SEMA4D: variants seen among roughly 807,000 people sequenced by gnomAD.
SEMA4D encodes the protein semaphorin 4D, also known as semaphorin-4D.
A neutral mutation model predicts 74.8 loss-of-function variants in SEMA4D; 22 were observed. That is an observed-to-expected ratio of 0.29 (90% confidence interval 0.21 to 0.42). SEMA4D has a LOEUF of 0.42. Among genes scored for constraint, SEMA4D ranks in the 10% least tolerant of loss-of-function variants. The pLI is 1.00. For missense variants in SEMA4D, 937 were observed against 1,118.4 expected (o/e 0.84, Z 2.31); for synonymous variants, 445 against 463.7 (o/e 0.96, Z 0.52).
chr9:89,387,252 C>A, intron 12 of SEMA4D, 134 bp downstream of exon 12: 3 of 714,282 alleles, frequency 4.2e-6, no homozygotes, highest in Non-Finnish European at 6.8e-6. Context: ...TTCTTACGCT[C>A]CCACAAACCT....
Position 89,381,077 on chromosome 9 carries a change from G to C in SEMA4D, c.1641C>G (p.Ser547Arg). 6.2e-7 allele frequency: 1 copy of C among 1,614,072 alleles called. No homozygotes were observed. Among genetic ancestry groups the C allele is most frequent in the Non-Finnish European group, 8.5e-7 (1 of 1,180,024 alleles). The change falls in exon 15 of 16, where the codon AGC (serine) becomes AGG (arginine). Residue 547 changes from serine (S) to arginine (R), a missense_variant. By Grantham distance (110) the Ser-to-Arg change is moderately radical. Coordinates refer to ENST00000422704, the MANE Select transcript of SEMA4D (RefSeq NM_001371194.2). The surrounding 1 kb of genome is among the most constrained non-coding windows in gnomAD (Gnocchi z 4.6). The part of the protein sequence containing the change: ...SPSRGLIQEM[S>R]GDASVCPDKS... ...CACCCGGGCACACAGAAGCATCGCC[G>C]CTCATCTCCTGAATCAAACCCCTGC... is the stretch of plus-strand genomic sequence containing the variant.
intron 1 of SEMA4D, among the ~76,000 whole-genome samples, chr9:89,493,561 C>T (rs1309624946): frequency 6.6e-6 from 1 of 152,192 alleles, no homozygotes; most frequent in Non-Finnish European, 1.5e-5. Flanking sequence ...CAAACAAAGT[C>T]AAAACACACA....
chr9:89,434,375 C>A (rs1305719244), intron 2 of SEMA4D, among the ~76,000 whole-genome samples: 2 of 152,226 alleles, frequency 1.3e-5, no homozygotes, highest in Non-Finnish European at 2.9e-5. Flanking sequence ...TTTGTCAAAA[C>A]GGTATGCAGG....
In SEMA4D at chr9:89,492,285, TG is replaced by T. The variant is rs1408576894; in HGVS notation, c.-310+5633del. On this transcript the variant is annotated intron_variant, in intron 1 of 15. Transcript: ENST00000422704. The surrounding 1 kb of genome is among the most constrained non-coding windows in gnomAD (Gnocchi z 4.3). ...TGCAAGCTGCATGTGGCCTCCAGGATGCCCTCAGAACCCTCTGGTTATCCCC... is the reference window on the plus strand; with the variant it reads ...TGCAAGCTGCATGTGGCCTCCAGGATCCCTCAGAACCCTCTGGTTATCCCC... Among the ~76,000 whole-genome samples the T allele has an allele frequency of 6.6e-6, 1 of 152,170 alleles. No individual in the cohort carries two copies. The highest frequency in any genetic ancestry group is 1.5e-5 in the Non-Finnish European group (1 of 68,022).
intron 13 of SEMA4D, chr9:89,385,876 C>A (rs1300458042): frequency 1.7e-5 from 5 of 289,440 alleles, no homozygotes; most frequent in Middle Eastern, 1.7e-3. Context: ...GCCCGCCCAC[C>A]CACCCCTGCC....
chr9:89,360,930 G>A (rs569869952), exon 19 of SEMA4D: 1 of 152,316 alleles, frequency 6.6e-6, no homozygotes, highest in East Asian at 1.9e-4. Context: ...GTGTGAAAGT[G>A]CTTGAAATCC....
chr9:89,462,601 G>A (rs1857512228), intron 1 of SEMA4D, among the ~76,000 whole-genome samples: 1 of 151,928 alleles, frequency 6.6e-6, no homozygotes, highest in Non-Finnish European at 1.5e-5. Context: ...CCCAATACCA[G>A]TCTACGGCAA....
intron 9 of SEMA4D, 146 bp from the exon 10 acceptor site, chr9:89,389,193 G>A (rs779708685): frequency 2.7e-5 from 20 of 751,980 alleles, no homozygotes; most frequent in Admixed American, 2.6e-4. Flanking sequence ...GACAGATGCC[G>A]CAATTATGTG....
chr9:89,411,366 G>A (rs1844494338), intron 2 of SEMA4D, among the ~76,000 whole-genome samples: 1 of 152,140 alleles, frequency 6.6e-6, no homozygotes, highest in Non-Finnish European at 1.5e-5. Context: ...TAACTCCACT[G>A]GAGGTCTGGG....
chr9:89,436,817 G>A (rs912882963), intron 2 of SEMA4D, among the ~76,000 whole-genome samples: 1 of 152,254 alleles, frequency 6.6e-6, no homozygotes, highest in Admixed American at 6.5e-5. Flanking sequence ...GCGAGGGCAA[G>A]CTCCTGGGTG....
chr9:89,374,315 CATCT>C (rs1192624098), downstream of SEMA4D, among the ~76,000 whole-genome samples: 1 of 152,224 alleles, frequency 6.6e-6, no homozygotes, highest in East Asian at 1.9e-4. Flanking sequence ...TCCCCATATC[CATCT>C]GTGACCGCCA....
chr9:89,405,902 A>T (rs1843218410), intron 2 of SEMA4D: 1 of 1,206,342 alleles, frequency 8.3e-7, no homozygotes, highest in Non-Finnish European at 1.0e-6. Context: ...TTCAGGAGTC[A>T]GTGCTTCCCG....
rs1337471485 is a variant in SEMA4D, at chr9:89,407,891, G to A, written c.-243-2192C>T. 2.6e-5 allele frequency among the ~76,000 whole-genome samples: 4 copies of A among 152,208 alleles called. No individual in the cohort carries two copies. In the East Asian group the frequency reaches 5.8e-4, roughly 22 times the overall value. Reference sequence around the variant, plus strand: ...TGAAGTTGCCGGTCTAAATCCCACTGCACAGTCTCATTCATCTGAGAGGCT... The same window carrying A: ...TGAAGTTGCCGGTCTAAATCCCACTACACAGTCTCATTCATCTGAGAGGCT... On this transcript the variant is annotated intron_variant, in intron 2 of 15. Transcript: ENST00000422704.
chr9:89,460,603 G>A (rs1243508073), intron 1 of SEMA4D, among the ~76,000 whole-genome samples: 1 of 152,244 alleles, frequency 6.6e-6, no homozygotes, highest in Non-Finnish European at 1.5e-5. Context: ...GTTTAACCGA[G>A]GTTCCACCGG....
chr9:89,429,637 C>T (rs1429647521), intron 2 of SEMA4D, among the ~76,000 whole-genome samples: 1 of 152,146 alleles, frequency 6.6e-6, no homozygotes, highest in Non-Finnish European at 1.5e-5. Flanking sequence ...AGCTTGGAGC[C>T]TGGTGAGCAC....
intron 2 of SEMA4D, among the ~76,000 whole-genome samples, chr9:89,433,299 GT>G (rs767896502): frequency 6.6e-6 from 1 of 150,410 alleles, no homozygotes; most frequent in Non-Finnish European, 1.5e-5. Flanking sequence ...CGGACTGAGG[GT>G]GGGGCCACCA....
At chr9:89,488,883 C>T (rs1266526473) in intron 1 of SEMA4D, among the ~76,000 whole-genome samples, 1 of 152,086 alleles carries the variant, frequency 6.6e-6, no homozygotes, top group East Asian at 1.9e-4. Context: ...AAAATATTTG[C>T]AATACAAGTA....
chr9:89,475,787 G>A lies in SEMA4D; in HGVS notation c.-309-19834C>T, dbSNP rs188863065. Among the ~76,000 whole-genome samples, 28 of 152,340 alleles carry A rather than the reference G, an allele frequency of 1.8e-4. No individual in the cohort carries two copies. The East Asian group carries it at 5.4e-3, about 29-fold the overall frequency. Reference sequence around the variant, plus strand: ...GGAGGCCAATGTCAGCAGGCTCACAGAGAGCGGGAAACAATGATATGACCA... The same window carrying A: ...GGAGGCCAATGTCAGCAGGCTCACAAAGAGCGGGAAACAATGATATGACCA... On this transcript the variant is annotated intron_variant, in intron 1 of 15. Coordinates refer to ENST00000422704, the MANE Select transcript of SEMA4D (RefSeq NM_001371194.2).
intron 13 of SEMA4D, chr9:89,385,865 T>TTGGGGGGGGGGC: frequency 7.0e-5 from 15 of 213,330 alleles, no homozygotes; most frequent in Non-Finnish European, 1.2e-4. Context: ...CCAGCGTGGA[T>TTGGGGGGGGGGC]GCCCGCCCAC....
Sources: gnomAD v4.1 joint callset for allele counts (sites outside exome capture counted in the v4.1 genomes callset) on GRCh38, gnomAD v4.1.1 for gene constraint, Gnocchi (gnomAD v3.1) non-coding constraint, MANE v1.5 for transcripts, NCBI Gene and HGNC (gene_info 2026-07-23, HGNC 2026-07-21) for gene names.